PXDN: variants seen among roughly 807,000 people sequenced by gnomAD.
PXDN encodes peroxidasin.
PXDN carries 77 observed loss-of-function variants against 140.3 expected under a neutral mutation model. The observed-to-expected ratio is 0.55, with a 90% CI of 0.46 to 0.66. The LOEUF is 0.66. PXDN is among the 30% of genes least tolerant of loss of function. The pLI is 0.00. For missense variants in PXDN, 1,838 were observed against 2,039.5 expected, an observed-to-expected ratio of 0.90 and a Z score of 1.90; for synonymous variants, 911 against 857.4, an observed-to-expected ratio of 1.06 and a Z score of -1.09.
chr2:1,726,967 C>T (rs1169028745), intron 1 of PXDN, among the ~76,000 whole-genome samples: 3 of 152,174 alleles, frequency 2.0e-5, no homozygotes, highest in African/African-American at 7.2e-5. Flanking sequence ...GGCACACTCA[C>T]GGATCATGTC....
intron 4 of PXDN, among the ~76,000 whole-genome samples, chr2:1,684,722 T>C (rs1684009557): frequency 1.3e-5 from 2 of 152,226 alleles, no homozygotes; most frequent in African/African-American, 4.8e-5. Context: ...TCGGGTGTCG[T>C]TGATTGTACA....
At position 1,660,309 on chromosome 2, in the gene PXDN, G is replaced by A. The variant is rs904316668; in HGVS notation, c.1837+572C>T. 6.6e-6 allele frequency among the ~76,000 whole-genome samples: 1 copy of A among 152,156 alleles called. No homozygotes were observed. The highest frequency in any genetic ancestry group is 1.5e-5 in the Non-Finnish European group (1 of 68,028). On this transcript the variant is annotated intron_variant, in intron 14 of 22. Coordinates refer to ENST00000252804, the MANE Select transcript of PXDN (RefSeq NM_012293.3). This position sits in a 1 kb window ranked among gnomAD's most constrained non-coding sequence, Gnocchi z 4.6. ...GACAAGATGCCAAGGGCCTCGGGGT[G>A]AGTGGGATGGAAGTGGTGGCGGACC... is the stretch of plus-strand genomic sequence containing the variant.
intron 1 of PXDN, among the ~76,000 whole-genome samples, chr2:1,705,255 C>A (rs1684568012): frequency 6.6e-6 from 1 of 152,152 alleles, no homozygotes; most frequent in Admixed American, 6.5e-5. Context: ...ACTCCCAAAC[C>A]CACATGACCC....
chr2:1,738,900 T>C (rs116018124), intron 1 of PXDN, among the ~76,000 whole-genome samples: 1,656 of 152,346 alleles, frequency 0.011, 35 homozygotes, highest in African/African-American at 0.038. Flanking sequence ...CCCTGCAGAC[T>C]GGAATTCTGT....
intron 22 of PXDN, 82 bp downstream of exon 22, chr2:1,635,326 G>A: frequency 8.1e-7 from 1 of 1,234,948 alleles, no homozygotes; most frequent in Non-Finnish European, 1.2e-6. Flanking sequence ...CCTGACATCT[G>A]GGCCACCCAC....
intron 11 of PXDN, 97 bp downstream of exon 11, chr2:1,664,861 C>T (rs1184714763): frequency 9.3e-7 from 1 of 1,080,782 alleles, no homozygotes; most frequent in African/African-American, 1.6e-5. Flanking sequence ...TCAGCCCTGT[C>T]CAGAACACGC....
At chr2:1,670,960 T>A (rs987400247) in intron 9 of PXDN, among the ~76,000 whole-genome samples, 1 of 151,838 alleles carries the variant, frequency 6.6e-6, no homozygotes, top group African/African-American at 2.4e-5. Context: ...TCCCCCCACA[T>A]CAGGCAGAAG....
intron 1 of PXDN, among the ~76,000 whole-genome samples, chr2:1,700,340 G>T (rs1420358790): frequency 6.6e-6 from 1 of 152,050 alleles, no homozygotes; most frequent in African/African-American, 2.4e-5. Context: ...AGGATTACTG[G>T]CATGAGCCAC....
Position 1,687,720 on chromosome 2 carries a change from T to G in PXDN, c.345-17A>C. ...TACAGATAGCTGAAACAAGAAACAT[T>G]GGGGAGCATTAGCACACAGACAGGA... On this transcript the variant is annotated splice_polypyrimidine_tract_variant and intron_variant, in intron 3 of 22. Coordinates refer to ENST00000252804, the MANE Select transcript of PXDN (RefSeq NM_012293.3). The surrounding 1 kb of genome is among the most constrained non-coding windows in gnomAD (Gnocchi z 4.0). 1 of 1,490,384 alleles carries G rather than the reference T, an allele frequency of 6.7e-7. No homozygotes were observed. Among genetic ancestry groups the G allele is most frequent in the Middle Eastern group, 1.7e-4 (1 of 5,814 alleles). The allele number at this position is 1,490,384 out of a possible 1,614,324, so 92.3% of individuals were successfully genotyped here. A position where few individuals can be genotyped will look rare whatever the true frequency, so the allele number is the denominator to read the frequency against.
At chr2:1,652,574 A>G (rs1683038851) in intron 16 of PXDN, among the ~76,000 whole-genome samples, 1 of 151,862 alleles carries the variant, frequency 6.6e-6, no homozygotes, top group Non-Finnish European at 1.5e-5. Flanking sequence ...CTCCAACTCC[A>G]ACATTTCCTG....
chr2:1,648,114 T>C lies in PXDN; in HGVS notation c.3608+58A>G. The C allele has an allele frequency of 6.4e-7, 1 of 1,556,468 alleles. No homozygotes were observed. Among genetic ancestry groups the C allele is most frequent in the Non-Finnish European group, 8.8e-7 (1 of 1,141,526 alleles). On this transcript the variant is annotated intron_variant, in intron 17 of 22. Transcript: ENST00000252804. The surrounding 1 kb of genome is among the most constrained non-coding windows in gnomAD (Gnocchi z 8.9). ...GAGACAAATAACACACACACCACAG[T>C]TCAGGTGTTCCAGGTGCCTAGGTAC...
chr2:1,667,857 T>C (rs1018442432), intron 9 of PXDN, among the ~76,000 whole-genome samples: 6 of 152,124 alleles, frequency 3.9e-5, no homozygotes, highest in African/African-American at 1.4e-4. Context: ...GAATCAATAT[T>C]GTGAAAATGG....
At chr2:1,710,597 G>GCACCCACTCTATGAA (rs1558520560) in intron 1 of PXDN, among the ~76,000 whole-genome samples, 1 of 100,912 alleles carries the variant, frequency 9.9e-6, no homozygotes, top group Non-Finnish European at 2.2e-5. Flanking sequence ...CTCTCCACCA[G>GCACCCACTCTATGAA]CACCCACTCT....
rs74754068 is a variant in PXDN at position 1,706,778 on chromosome 2, A to G, written c.201-13644T>C. Among the ~76,000 whole-genome samples, 110 of 99,134 alleles carry G rather than the reference A, an allele frequency of 1.1e-3. 14 individuals are homozygous for G. Among genetic ancestry groups the G allele is most frequent in the African/African-American group, 3.3e-3 (74 of 22,184 alleles). 65.0% of individuals were successfully genotyped at this position (99,134 alleles called of 152,430 possible). A position where few individuals can be genotyped will look rare whatever the true frequency, so the allele number is the denominator to read the frequency against. On this transcript the variant is annotated intron_variant, in intron 1 of 22. Coordinates refer to ENST00000252804, the MANE Select transcript of PXDN (RefSeq NM_012293.3). The stretch of plus-strand genomic sequence containing the variant: ...CACTAATAATACAATCCGAGAGCAC[A>G]CTTCAGTGATCACCAATCAGCTCTA...
chr2:1,654,393 A>T lies in PXDN; in HGVS notation c.1946+7T>A. ...TGAGGGTCAGCGTGTTTACAGCCCC[A>T]CGATACCTGTCAAACAAATGTGTTC... is the stretch of plus-strand genomic sequence containing the variant. On this transcript the variant is annotated splice_region_variant and intron_variant, in intron 15 of 22. Coordinates refer to ENST00000252804, the MANE Select transcript of PXDN (RefSeq NM_012293.3). The T allele has an allele frequency of 6.2e-7, 1 of 1,605,268 alleles. No homozygotes were observed.
At chr2:1,710,158 T>C (rs1295876425) in intron 1 of PXDN, among the ~76,000 whole-genome samples, 4 of 152,184 alleles carry the variant, frequency 2.6e-5, no homozygotes, top group Admixed American at 2.6e-4. Context: ...TGCGTGTTAA[T>C]ATACTTATGA....
intron 1 of PXDN, among the ~76,000 whole-genome samples, chr2:1,713,674 G>C (rs914793406): frequency 6.6e-6 from 1 of 152,216 alleles, no homozygotes; most frequent in Non-Finnish European, 1.5e-5. Context: ...CCGAATGCTC[G>C]TGTGCTCCTG....
At position 1,639,326 on chromosome 2, in the gene PXDN, T is replaced by C. The variant is rs754408940; in HGVS notation, c.4049A>G (p.Lys1350Arg). ...FSYQEDKPTK[K>R]TRPRKIPSVG... ...CCTGGGTATTTTCCGTGGTCTTGTTTTCTTGGTCGGCTTGTCCTCCTGGTA... is the reference window on the plus strand; with the variant it reads ...CCTGGGTATTTTCCGTGGTCTTGTTCTCTTGGTCGGCTTGTCCTCCTGGTA... The change falls in exon 20 of 23, where the codon AAA becomes AGA. Residue 1350 changes from lysine to arginine, a missense_variant. By Grantham distance (26) the Lys-to-Arg change is conservative. This residue lies in a region of PXDN where 850 missense variants were observed against 894.1 expected (regional missense o/e 0.95). Transcript: ENST00000252804. This position sits in a 1 kb window ranked among gnomAD's most constrained non-coding sequence, Gnocchi z 5.0. The C allele has an allele frequency of 6.2e-7, 1 of 1,613,900 alleles. No individual in the cohort carries two copies. The highest frequency in any genetic ancestry group is 8.5e-7 in the Non-Finnish European group (1 of 1,179,842).
rs2125411357 is a variant in PXDN at position 1,648,996 on chromosome 2, G to C, written c.2784C>G (p.Asp928Glu). The C allele has an allele frequency of 6.2e-7, 1 of 1,611,936 alleles. No individual in the cohort carries two copies. Among genetic ancestry groups the C allele is most frequent in the East Asian group, 2.2e-5 (1 of 44,830 alleles). The change falls in exon 17 of 23, where the codon GAC (aspartate) becomes GAG (glutamate). Residue 928 changes from aspartate to glutamate, a missense_variant. Around this residue, in one of 5 missense-constraint regions of PXDN, gnomAD observed 850 missense variants for 894.1 expected, o/e 0.95. Transcript: ENST00000252804. This position sits in a 1 kb window ranked among gnomAD's most constrained non-coding sequence, Gnocchi z 8.9. ...GCAGCAGGCCGCGGTGGCTGGCCAGGTCGCGGATGCTGCGGGCCTCATGCT... is the reference window on the plus strand; with the variant it reads ...GCAGCAGGCCGCGGTGGCTGGCCAGCTCGCGGATGCTGCGGGCCTCATGCT... ...STEHEARSIR[D>E]LASHRGLLRQ...
Sources: allele counts gnomAD v4.1 joint callset (sites outside exome capture counted in the v4.1 genomes callset), GRCh38; gene constraint gnomAD v4.1.1; regional missense constraint gnomAD v4.1.1; non-coding constraint Gnocchi (gnomAD v3.1); transcripts MANE v1.5; gene names NCBI Gene and HGNC (gene_info 2026-07-23, HGNC 2026-07-21).